The following AHCY variants were observed in gnomAD, a reference collection of about 807,000 sequenced individuals.
AHCY encodes adenosylhomocysteinase.
AHCY carries 24 observed loss-of-function variants against 45.4 expected under a neutral mutation model. That is an observed-to-expected ratio of 0.53 (90% CI 0.38 to 0.74). The LOEUF (loss-of-function observed/expected upper bound fraction) is 0.74. Ranked by LOEUF, AHCY falls within the 30% of genes least tolerant of loss-of-function variation. The pLI is 0.00. For missense variants in AHCY, 449 were observed against 594.1 expected (o/e 0.76, Z 2.54); for synonymous variants, 245 against 235.1 (o/e 1.04, Z -0.39).
chr20:34,252,813 C>CGTGTCA, the AHCY span, among the ~76,000 whole-genome samples: 1 of 152,198 alleles, frequency 6.6e-6, no homozygotes. Flanking sequence ...GAGGTCCCTG[C>CGTGTCA]GGACATTGTG....
chr20:34,238,004 T>A, the AHCY span, among the ~76,000 whole-genome samples: 1 of 152,214 alleles, frequency 6.6e-6, no homozygotes, highest in Non-Finnish European at 1.5e-5. Context: ...TGATAAGAAA[T>A]CTGCTAATGA....
At chr20:34,260,749 A>T in the AHCY span, among the ~76,000 whole-genome samples, 1 of 152,250 alleles carries the variant, frequency 6.6e-6, no homozygotes, top group African/African-American at 2.4e-5. Context: ...CATATGGTAG[A>T]GGCTCTGAAA....
At chr20:34,274,955 A>C in the AHCY span, among the ~76,000 whole-genome samples, 2 of 152,134 alleles carry the variant, frequency 1.3e-5, no homozygotes, top group Middle Eastern at 3.4e-3. Flanking sequence ...TTGTCTCTTT[A>C]AAAGAGTCAG....
chr20:34,308,551 AG>A (rs2122851368), intron 1 of AHCY, among the ~76,000 whole-genome samples: 1 of 152,318 alleles, frequency 6.6e-6, no homozygotes, highest in Non-Finnish European at 1.5e-5. Context: ...CTCTGTCTAA[AG>A]AAAAAGAAAA....
the AHCY span, among the ~76,000 whole-genome samples, chr20:34,247,410 C>T: frequency 6.6e-6 from 1 of 150,944 alleles, no homozygotes. Flanking sequence ...AAGCGATTCT[C>T]CTGCCTCAGC....
the AHCY span, among the ~76,000 whole-genome samples, chr20:34,264,355 C>A: frequency 6.6e-6 from 1 of 152,218 alleles, no homozygotes; most frequent in South Asian, 2.1e-4. Flanking sequence ...TTACAACGCT[C>A]TGTGAGCTAA....
chr20:34,288,160 A>G (rs1451302397), intron 8 of AHCY, among the ~76,000 whole-genome samples: 1 of 150,044 alleles, frequency 6.7e-6, no homozygotes, highest in Non-Finnish European at 1.5e-5. Flanking sequence ...GGACCTAGCC[A>G]AGGAGAACTC....
chr20:34,278,458 A>G (rs2035929906), downstream of AHCY, among the ~76,000 whole-genome samples: 1 of 152,164 alleles, frequency 6.6e-6, no homozygotes, highest in Admixed American at 6.6e-5. Flanking sequence ...TCTCTGGCTT[A>G]GAAGAACAGC....
chr20:34,271,393 C>T, the AHCY span, among the ~76,000 whole-genome samples: 2 of 152,130 alleles, frequency 1.3e-5, no homozygotes, highest in Admixed American at 6.6e-5. Flanking sequence ...CTGGGACCGC[C>T]GTCTCCAACA....
chr20:34,253,298 G>C, the AHCY span, among the ~76,000 whole-genome samples: 1 of 151,150 alleles, frequency 6.6e-6, no homozygotes, highest in African/African-American at 2.4e-5. Flanking sequence ...AGTAGAGACG[G>C]GGTTTCACCA....
the AHCY span, chr20:34,246,348 C>T: frequency 6.5e-7 from 1 of 1,530,890 alleles, no homozygotes; most frequent in Non-Finnish European, 8.8e-7. Flanking sequence ...GTAAATTTTG[C>T]AAGTTCATTT....
At chr20:34,305,230 A>G (rs955995029), upstream of AHCY, among the ~76,000 whole-genome samples, 1 of 151,532 alleles carries the variant, frequency 6.6e-6, no homozygotes, top group Non-Finnish European at 1.5e-5. Flanking sequence ...AGGCTGAGGC[A>G]GGAGAATGGC....
intron 2 of AHCY, among the ~76,000 whole-genome samples, chr20:34,294,618 C>T (rs548050896): frequency 6.6e-6 from 1 of 152,190 alleles, no homozygotes; most frequent in South Asian, 2.1e-4. Context: ...ACCCAGAAGG[C>T]TGGAACAGAG....
chr20:34,282,820 A>T (rs2036046818), intron 9 of AHCY, among the ~76,000 whole-genome samples: 1 of 151,862 alleles, frequency 6.6e-6, no homozygotes, highest in Non-Finnish European at 1.5e-5. Flanking sequence ...CAAGCCTCTA[A>T]CTCTCTCATG....
chr20:34,303,145 G>T (rs1341673923), intron 1 of AHCY, 98 bp downstream of exon 1: 10 of 1,534,820 alleles, frequency 6.5e-6, no homozygotes. Flanking sequence ...GATTCCAGGG[G>T]GTCCAGAGAG....
rs888739961 is a variant in AHCY at position 34,302,057 on chromosome 20, G to A, written c.28+1186C>T. 7.6e-6 allele frequency: 7 copies of A among 916,294 alleles called. No individual in the cohort carries two copies. In the African/African-American group the frequency reaches 1.3e-4, roughly 16 times the overall value. The allele number at this position is 916,294 out of a possible 1,614,324, so 56.8% of individuals were successfully genotyped here. A position where few individuals can be genotyped will look rare whatever the true frequency, so the allele number is the denominator to read the frequency against. On this transcript the variant is annotated intron_variant, in intron 1 of 9. Coordinates refer to ENST00000217426, the MANE Select transcript of AHCY (RefSeq NM_000687.4). ...GCTCTGTTGCCCAGGTTGGAGCGTG[G>A]TGGTGCAATCTCGGCTCACTGCAAC...
intron 4 of AHCY, among the ~76,000 whole-genome samples, chr20:34,291,759 T>TCTCTATTCTCACTGCCGCTG (rs1387453467): frequency 2.0e-5 from 3 of 152,056 alleles, no homozygotes; most frequent in African/African-American, 2.4e-5. Context: ...ACTCCCAGCT[T>TCTCTATTCTCACTGCCGCTG]CTCTATTCTC....
At chr20:34,262,926 G>T in the AHCY span, 6 of 1,611,548 alleles carry the variant, frequency 3.7e-6, no homozygotes, top group South Asian at 6.6e-5. Context: ...AGTTCTCATT[G>T]TTGGGGTGAG....
chr20:34,271,596 TG>T, the AHCY span, among the ~76,000 whole-genome samples: 1 of 149,876 alleles, frequency 6.7e-6, no homozygotes, highest in East Asian at 2.0e-4. Context: ...GACGGAGTCT[TG>T]CTCTGTCACC....
Sources: allele counts gnomAD v4.1 joint callset (sites outside exome capture counted in the v4.1 genomes callset), GRCh38; gene constraint gnomAD v4.1.1; transcripts MANE v1.5; gene names NCBI Gene and HGNC (gene_info 2026-07-23, HGNC 2026-07-21).